Variants in TAF4B observed in about 807,000 individuals in gnomAD.
TAF4B encodes the protein TATA-box binding protein associated factor 4b.
In TAF4B, 38 loss-of-function variants were observed where a neutral mutation model predicts 86.4. That is an observed-to-expected ratio of 0.44 (90% CI 0.34 to 0.58). TAF4B has a LOEUF of 0.58. Ranked by LOEUF, TAF4B falls within the 20% of genes least tolerant of loss-of-function variation. The pLI is 0.02. For synonymous variants in TAF4B, 388 were observed against 391.2 expected (o/e 0.99, Z 0.10); for missense variants, 988 against 1,027.6 (o/e 0.96, Z 0.53).
intron 14 of TAF4B, among the ~76,000 whole-genome samples, chr18:26,381,722 C>T (rs1050235014): frequency 3.0e-5 from 4 of 133,066 alleles, no homozygotes; most frequent in Admixed American, 7.8e-5. Flanking sequence ...CGAAACTCCG[C>T]CTCTAAATAA....
chr18:26,290,682 G>T (rs954277684), intron 7 of TAF4B, among the ~76,000 whole-genome samples: 1 of 151,984 alleles, frequency 6.6e-6, no homozygotes, highest in African/African-American at 2.4e-5. Context: ...TTTTGTTTTT[G>T]GTTTTCTTTC....
At chr18:26,240,302 C>T (rs952212140) in intron 1 of TAF4B, among the ~76,000 whole-genome samples, 20 of 152,176 alleles carry the variant, frequency 1.3e-4, no homozygotes, top group African/African-American at 4.6e-4. Context: ...TCCTTCACGT[C>T]CCTTGTAAGT....
At chr18:26,367,649 G>A (rs2057380594) in intron 14 of TAF4B, among the ~76,000 whole-genome samples, 1 of 152,110 alleles carries the variant, frequency 6.6e-6, no homozygotes, top group Non-Finnish European at 1.5e-5. Flanking sequence ...AGCTATCTGG[G>A]TAACCCTTAG....
intron 3 of TAF4B, among the ~76,000 whole-genome samples, chr18:26,268,778 G>A (rs2056275587): frequency 6.6e-6 from 1 of 152,094 alleles, no homozygotes; most frequent in African/African-American, 2.4e-5. Flanking sequence ...GAACCATAGT[G>A]CAGCCATAGT....
chr18:26,375,055 G>A (rs933420753), intron 14 of TAF4B, among the ~76,000 whole-genome samples: 5 of 152,112 alleles, frequency 3.3e-5, no homozygotes, highest in African/African-American at 9.7e-5. Flanking sequence ...CAAAGAAATA[G>A]CTTGTTTATT....
intron 12 of TAF4B, among the ~76,000 whole-genome samples, chr18:26,334,706 C>A (rs2144696958): frequency 1.3e-5 from 2 of 152,176 alleles, no homozygotes; most frequent in Middle Eastern, 6.8e-3. Flanking sequence ...AGAAATTATA[C>A]CTTTAAAGAG....
chr18:26,232,278 G>A (rs369694825), intron 1 of TAF4B, among the ~76,000 whole-genome samples: 16 of 152,176 alleles, frequency 1.1e-4, no homozygotes, highest in African/African-American at 2.2e-4. Context: ...GGTGATGACC[G>A]CTCTAGTTAC....
chr18:26,385,017 C>T (rs1025150204), intron 14 of TAF4B, among the ~76,000 whole-genome samples: 3 of 152,140 alleles, frequency 2.0e-5, no homozygotes, highest in African/African-American at 7.2e-5. Context: ...CATGAAGCTA[C>T]ATTACCGTGG....
intron 13 of TAF4B, among the ~76,000 whole-genome samples, chr18:26,341,493 A>G (rs1791742): frequency 6.6e-6 from 1 of 152,176 alleles, no homozygotes; most frequent in East Asian, 1.9e-4. Context: ...TATTTTACAC[A>G]ATTTATAAAT....
chr18:26,285,222 G>GTTTTTGTTTTTGTTTTTTT lies in TAF4B; in HGVS notation c.973-655_973-654insGTTTTTGTTTTTTTTTTTT. On this transcript the variant is annotated intron_variant, in intron 6 of 14. Transcript: ENST00000269142. ...ATTTCTTCCTTTCCTTTTTTTTTTTGTTTTTTTTTTTTTTGGAGATGGGGT... is the reference window on the plus strand; with the variant it reads ...ATTTCTTCCTTTCCTTTTTTTTTTTGTTTTTGTTTTTGTTTTTTTTTTTTTTTTTTTTTGGAGATGGGGT... Among the ~76,000 whole-genome samples the GTTTTTGTTTTTGTTTTTTT allele has an allele frequency of 3.7e-4, 17 of 45,688 alleles. 2 individuals carry two copies. Among genetic ancestry groups the GTTTTTGTTTTTGTTTTTTT allele is most frequent in the African/African-American group, 9.4e-4 (15 of 15,982 alleles). The allele number at this position is 45,688 out of a possible 152,430, so 30.0% of individuals were successfully genotyped here.
chr18:26,278,877 G>C (rs1022160586), intron 5 of TAF4B, among the ~76,000 whole-genome samples: 2 of 151,966 alleles, frequency 1.3e-5, no homozygotes, highest in African/African-American at 4.8e-5. Flanking sequence ...TGCTGTTATG[G>C]ATTTACAATG....
intron 14 of TAF4B, among the ~76,000 whole-genome samples, chr18:26,361,696 G>A (rs1228209286): frequency 7.0e-6 from 1 of 142,376 alleles, no homozygotes; most frequent in African/African-American, 2.6e-5. Flanking sequence ...TGTGAGCCGA[G>A]ATCGCGCCAC....
At chr18:26,362,862 C>T (rs1010780248) in intron 14 of TAF4B, among the ~76,000 whole-genome samples, 4 of 151,902 alleles carry the variant, frequency 2.6e-5, no homozygotes, top group African/African-American at 9.7e-5. Flanking sequence ...CAAAATTATT[C>T]GGAGGAAAAA....
chr18:26,319,262 C>T (rs982157148), intron 10 of TAF4B, among the ~76,000 whole-genome samples: 5 of 151,658 alleles, frequency 3.3e-5, no homozygotes, highest in African/African-American at 7.3e-5. Context: ...GAAGCTGAGG[C>T]GGGCAGATCA....
At position 26,286,120 on chromosome 18, in the gene TAF4B, G is replaced by T; in HGVS notation, c.1211G>T (p.Gly404Val). The change falls in exon 7 of 15, where the codon GGA (glycine) becomes GTA (valine). Residue 404 changes from glycine to valine, a missense_variant. Physicochemically the swap from Gly to Val is moderately radical, Grantham distance 109. Around this residue, in one of 3 missense-constraint regions of TAF4B, gnomAD observed 747 missense variants for 737.9 expected, o/e 1.01. Coordinates refer to ENST00000269142, the MANE Select transcript of TAF4B (RefSeq NM_005640.3). ...QTLNPLAGPV[G>V]AKAGVVTLHS... ...TTGAACCCACTTGCTGGTCCAGTGGGAGCAAAAGCTGGAGTTGTGACACTT... is the reference window on the plus strand; with the variant it reads ...TTGAACCCACTTGCTGGTCCAGTGGTAGCAAAAGCTGGAGTTGTGACACTT... 1 of 1,614,208 alleles carries T rather than the reference G, an allele frequency of 6.2e-7. No homozygotes were observed.
At position 26,391,211 on chromosome 18, in the gene TAF4B, T is replaced by C. The variant is rs2144425420; in HGVS notation, c.*1199T>C. ...AGCTGACGGACAAAGCAAACCCTCT[T>C]TAAAAAAAAAAAAAAGAAAATTCCA... is the stretch of plus-strand genomic sequence containing the variant. On this transcript the variant is annotated 3_prime_UTR_variant, in exon 15 of 15. Transcript: ENST00000269142. The C allele has an allele frequency of 6.7e-6, 1 of 150,174 alleles. No homozygotes were observed. The highest frequency in any genetic ancestry group is 2.1e-4 in the South Asian group (1 of 4,756). The allele number at this position is 150,174 out of a possible 1,614,324, so 9.3% of individuals were successfully genotyped here.
At chr18:26,357,558 A>G (rs1457803657) in intron 13 of TAF4B, 132 bp from the exon 14 acceptor site, 4 of 541,804 alleles carry the variant, frequency 7.4e-6, no homozygotes, top group Non-Finnish European at 9.4e-6. Context: ...CTTGGCTGTT[A>G]TGGGAATCTA....
intron 9 of TAF4B, 46 bp from the exon 10 acceptor site, chr18:26,315,183 A>ACACACACACACACT (rs2056898694): frequency 7.9e-7 from 1 of 1,272,150 alleles, no homozygotes; most frequent in Non-Finnish European, 1.1e-6. Context: ...ACACACACAC[A>ACACACACACACACT]CACACACACA....
At chr18:26,280,466 G>A (rs2056434445) in intron 5 of TAF4B, among the ~76,000 whole-genome samples, 1 of 151,786 alleles carries the variant, frequency 6.6e-6, no homozygotes, top group African/African-American at 2.4e-5. Context: ...AAATCAACAA[G>A]AAAAAACCCC....
Sources: gnomAD v4.1 joint callset for allele counts (sites outside exome capture counted in the v4.1 genomes callset) on GRCh38, gnomAD v4.1.1 for gene constraint, gnomAD v4.1.1 regional missense constraint, MANE v1.5 for transcripts, NCBI Gene and HGNC (gene_info 2026-07-23, HGNC 2026-07-21) for gene names.